The following ATP5MJ variants were observed in gnomAD, a reference collection of about 807,000 sequenced individuals.
ATP5MJ encodes the protein ATP synthase F(0) complex subunit j, mitochondrial.
Under a neutral mutation model 8.3 loss-of-function variants are expected in ATP5MJ, and 4 were observed. The observed-to-expected ratio is 0.48, with a 90% CI of 0.24 to 1.11. The LOEUF (loss-of-function observed/expected upper bound fraction) is 1.11, where lower values mean the gene tolerates loss of function less well. Among genes scored for constraint, ATP5MJ ranks in the 50% least tolerant of loss-of-function variants. The probability of loss-of-function intolerance (pLI) is 0.18; values close to 1 mark genes in which losing one functional copy is unlikely to be tolerated. For missense variants in ATP5MJ, 66 were observed against 71.8 expected (o/e 0.92, Z 0.29); for synonymous variants, 23 against 21.3 (o/e 1.08, Z -0.23).
At chr14:103,917,741 C>G (rs1002245392) in intron 1 of ATP5MJ, among the ~76,000 whole-genome samples, 1 of 152,186 alleles carries the variant, frequency 6.6e-6, no homozygotes, top group African/African-American at 2.4e-5. Flanking sequence ...AGTTCTGTCT[C>G]TAGCCCTTTA....
At chr14:103,914,487 T>C (rs1169937430) in intron 2 of ATP5MJ, 3 of 655,730 alleles carry the variant, frequency 4.6e-6, no homozygotes, top group South Asian at 1.7e-5. Context: ...ACAATTCTGA[T>C]ATTAAAGTCT....
chr14:103,915,005 G>T, intron 2 of ATP5MJ, 61 bp downstream of exon 2: 1 of 1,604,954 alleles, frequency 6.2e-7, no homozygotes, highest in Non-Finnish European at 8.5e-7. Context: ...TGTGAATTGT[G>T]ATTCTTTTTG....
chr14:103,921,022 T>C (rs1359978934), intron 1 of ATP5MJ: 1 of 1,551,676 alleles, frequency 6.4e-7, no homozygotes, highest in Non-Finnish European at 8.7e-7. Context: ...TCAGCTTCCC[T>C]GTTGCCTCAC....
chr14:103,921,114 G>T, intron 1 of ATP5MJ: 1 of 1,342,060 alleles, frequency 7.5e-7, no homozygotes, highest in Non-Finnish European at 1.0e-6. Context: ...GGGACTGGAT[G>T]TGGAGTCAGA....
At chr14:103,914,636 A>AC in intron 2 of ATP5MJ, 1 of 580,694 alleles carries the variant, frequency 1.7e-6, no homozygotes, top group Non-Finnish European at 3.1e-6. Flanking sequence ...CCCCATCTCT[A>AC]CAAAAAAAAA....
chr14:103,919,120 C>T (rs1456795402), intron 1 of ATP5MJ, among the ~76,000 whole-genome samples: 2 of 152,174 alleles, frequency 1.3e-5, no homozygotes, highest in African/African-American at 4.8e-5. Context: ...CGGTGGCTTA[C>T]GCCTATAATC....
chr14:103,914,963 A>C, intron 2 of ATP5MJ, 103 bp downstream of exon 2: 1 of 1,450,892 alleles, frequency 6.9e-7, no homozygotes, highest in Middle Eastern at 1.7e-4. Flanking sequence ...TCTAATGTTC[A>C]TACCTAGTTA....
intron 3 of ATP5MJ, 52 bp from the exon 4 acceptor site, chr14:103,912,746 T>C (rs1201773990): frequency 1.9e-6 from 3 of 1,558,292 alleles, no homozygotes; most frequent in Admixed American, 1.7e-5. Context: ...AGGAACAAGT[T>C]GGATGTAATT....
rs1403967332 is a variant in ATP5MJ at position 103,921,520 on chromosome 14, C to T, written c.-51G>A. 2 of 153,314 alleles carry T rather than the reference C, an allele frequency of 1.3e-5. No homozygotes were observed. The highest frequency in any genetic ancestry group is 4.8e-5 in the African/African-American group (2 of 41,480). 9.5% of individuals were successfully genotyped at this position (153,314 alleles called of 1,614,324 possible). A position where few individuals can be genotyped will look rare whatever the true frequency, so the allele number is the denominator to read the frequency against. On this transcript the variant is annotated 5_prime_UTR_variant, in exon 1 of 4. Coordinates refer to ENST00000286953, the MANE Select transcript of ATP5MJ (RefSeq NM_004894.3). Reference sequence around the variant, plus strand: ...ACGCACCACAAATCTGCAGCCAACTCGGAAAGGTCACCGAGCGCGCAGGCG... The same window carrying T: ...ACGCACCACAAATCTGCAGCCAACTTGGAAAGGTCACCGAGCGCGCAGGCG...
chr14:103,921,126 T>G (rs2087675019), intron 1 of ATP5MJ: 6 of 1,263,290 alleles, frequency 4.7e-6, no homozygotes, highest in Non-Finnish European at 6.7e-6. Context: ...GGAGTCAGAG[T>G]TCTTGGCTTG....
At position 103,914,837 on chromosome 14, in the gene ATP5MJ, C is replaced by CAAAAAA. The variant is rs35916279; in HGVS notation, c.124+223_124+228dup. Reference sequence around the variant, plus strand: ...GGGCGTCAGAGTGAGAGACTGTCTCCAAAAAAAAAAAAAAAAAAAAGAAAA... The same window carrying CAAAAAA: ...GGGCGTCAGAGTGAGAGACTGTCTCCAAAAAAAAAAAAAAAAAAAAAAAAAAGAAAA... On this transcript the variant is annotated intron_variant, in intron 2 of 3. Transcript: ENST00000286953. 1,125 of 190,030 alleles carry CAAAAAA rather than the reference C, an allele frequency of 5.9e-3. 4 individuals carry two copies. The highest frequency in any genetic ancestry group is 0.014 in the South Asian group (209 of 14,830). The allele number at this position is 190,030 out of a possible 1,614,324, so 11.8% of individuals were successfully genotyped here.
At chr14:103,919,828 G>GC (rs199783768) in intron 1 of ATP5MJ, among the ~76,000 whole-genome samples, 36 of 150,242 alleles carry the variant, frequency 2.4e-4, no homozygotes, top group Admixed American at 1.2e-3. Context: ...TAAAACGAGG[G>GC]CCCCCCCTTT....
chr14:103,915,125 T>C lies in ATP5MJ; in HGVS notation c.65A>G (p.Gln22Arg), dbSNP rs2087614950. The change falls in exon 2 of 4, where the codon CAG becomes CGG. Residue 22 changes from glutamine (Q) to arginine (R), a missense_variant. Coordinates refer to ENST00000286953, the MANE Select transcript of ATP5MJ (RefSeq NM_004894.3). ...PMKPYYTKVY[Q>R]EIWIGMGLMG... is the part of the protein sequence containing the mutation. ...CAGCCCCATTCCTATCCAAATCTCC[T>C]GGTAAACTTTGGTGTAGTAGGGCTT... The C allele has an allele frequency of 1.2e-6, 2 of 1,614,000 alleles. No individual in the cohort carries two copies. The highest frequency in any genetic ancestry group is 2.2e-5 in the South Asian group (2 of 91,076).
At chr14:103,916,059 G>C (rs1484708279) in intron 1 of ATP5MJ, among the ~76,000 whole-genome samples, 1 of 152,150 alleles carries the variant, frequency 6.6e-6, no homozygotes, top group Non-Finnish European at 1.5e-5. Flanking sequence ...ACTAATGCCA[G>C]GCTCAGCACA....
At chr14:103,920,299 A>C (rs1054844178) in intron 1 of ATP5MJ, among the ~76,000 whole-genome samples, 10 of 146,986 alleles carry the variant, frequency 6.8e-5, no homozygotes, top group Non-Finnish European at 1.5e-4. Flanking sequence ...CACTGGGCTA[A>C]TTTTTTGTAT....
chr14:103,920,910 T>C (rs1167474181), intron 1 of ATP5MJ: 2 of 1,503,932 alleles, frequency 1.3e-6, no homozygotes, highest in Admixed American at 3.9e-5. Flanking sequence ...TGCAAAGTTT[T>C]GGCACATTAC....
chr14:103,920,956 G>A (rs199621733), intron 1 of ATP5MJ: 211 of 1,551,420 alleles, frequency 1.4e-4, no homozygotes, highest in Middle Eastern at 3.3e-4. Flanking sequence ...CTGGAAATGG[G>A]AAATGTCTGA....
At position 103,912,560 on chromosome 14, in the gene ATP5MJ, C is replaced by T; in HGVS notation, c.*106G>A. 1 of 1,155,702 alleles carries T rather than the reference C, an allele frequency of 8.7e-7. No homozygotes were observed. The highest frequency in any genetic ancestry group is 1.3e-6 in the Non-Finnish European group (1 of 777,846). 71.6% of individuals were successfully genotyped at this position (1,155,702 alleles called of 1,614,324 possible). A position where few individuals can be genotyped will look rare whatever the true frequency, so the allele number is the denominator to read the frequency against. ...TATTCATGCCATGAAGTAAACGGTA[C>T]TTATACAAGTGTACAGTGACGTTCC... On this transcript the variant is annotated 3_prime_UTR_variant, in exon 4 of 4. Transcript: ENST00000286953.
At chr14:103,919,827 G>A (rs1038141617) in intron 1 of ATP5MJ, among the ~76,000 whole-genome samples, 5 of 148,860 alleles carry the variant, frequency 3.4e-5, no homozygotes, top group African/African-American at 1.2e-4. Flanking sequence ...ATAAAACGAG[G>A]GCCCCCCCTT....
Sources: gnomAD v4.1 joint callset for allele counts (sites outside exome capture counted in the v4.1 genomes callset) on GRCh38, gnomAD v4.1.1 for gene constraint, MANE v1.5 for transcripts, NCBI Gene and HGNC (gene_info 2026-07-23, HGNC 2026-07-21) for gene names.